The following SYNE1 variants were observed in gnomAD, a reference collection of about 807,000 sequenced individuals.
The protein encoded by SYNE1 is spectrin repeat containing nuclear envelope protein 1, also known as nesprin-1.
SYNE1 carries 616 observed loss-of-function variants against 1,111.0 expected under a neutral mutation model. The ratio of observed to expected loss-of-function variants is 0.55; its 90% CI spans 0.52 to 0.59. The LOEUF (loss-of-function observed/expected upper bound fraction) is 0.59. Ranked by LOEUF, SYNE1 falls within the 20% of genes least tolerant of loss-of-function variation. The pLI is 0.00. For synonymous variants in SYNE1, 3,855 were observed against 3,825.8 expected (o/e 1.01, Z -0.28); for missense variants, 10,006 against 10,417.0 (o/e 0.96, Z 1.72).
chr6:152,351,259 C>T (rs2096735879), intron 70 of SYNE1, among the ~76,000 whole-genome samples: 1 of 152,154 alleles, frequency 6.6e-6, no homozygotes, highest in Admixed American at 6.5e-5. Flanking sequence ...GGTTGTGATT[C>T]TTATATGGCC....
chr6:152,279,235 A>G (rs1294839371), intron 97 of SYNE1, among the ~76,000 whole-genome samples: 1 of 148,038 alleles, frequency 6.8e-6, no homozygotes, highest in African/African-American at 2.5e-5. Context: ...TTCTTCCTAG[A>G]TAAGACTTAA....
intron 2 of SYNE1, among the ~76,000 whole-genome samples, chr6:152,631,370 CATTGTGGAAAA>C: frequency 6.6e-6 from 1 of 152,208 alleles, no homozygotes. Flanking sequence ...TACAAGGTGA[CATTGTGGAAAA>C]GAGGGCGGAG....
intron 130 of SYNE1, among the ~76,000 whole-genome samples, chr6:152,169,641 A>G (rs1162045546): frequency 6.7e-6 from 1 of 149,992 alleles, no homozygotes; most frequent in African/African-American, 2.4e-5. Context: ...AAAAAAAAAA[A>G]AAAAAAATCA....
intron 61 of SYNE1, chr6:152,368,757 T>C (rs1158978661): frequency 1.7e-6 from 1 of 604,982 alleles, no homozygotes; most frequent in African/African-American, 1.8e-5. Flanking sequence ...TGAAACCTCC[T>C]TCGGCCTTTT....
chr6:152,392,485 G>A (rs990445614), intron 51 of SYNE1, among the ~76,000 whole-genome samples: 4 of 152,220 alleles, frequency 2.6e-5, no homozygotes, highest in African/African-American at 7.2e-5. Flanking sequence ...AGGGTAGCAT[G>A]GGATGTCTTA....
chr6:152,191,449 A>G (rs2072343373), intron 127 of SYNE1, among the ~76,000 whole-genome samples: 1 of 152,080 alleles, frequency 6.6e-6, no homozygotes, highest in Non-Finnish European at 1.5e-5. Context: ...TATGGCTTCA[A>G]TCTTGTTACT....
intron 127 of SYNE1, among the ~76,000 whole-genome samples, chr6:152,190,809 C>A (rs1001413738): frequency 6.6e-6 from 1 of 152,190 alleles, no homozygotes; most frequent in African/African-American, 2.4e-5. Flanking sequence ...TAAGTGAAAA[C>A]ATGTTGAATG....
rs2063159345 is a variant in SYNE1, at chr6:152,164,285, G to A, written c.23668C>T (p.Leu7890Phe). 6.2e-7 allele frequency: 1 copy of A among 1,614,024 alleles called. No homozygotes were observed. The highest frequency in any genetic ancestry group is 1.3e-5 in the African/African-American group (1 of 74,904). Reference protein sequence around the residue: ...LKETLVAVQQLDKNMSSLRTW... With the variant: ...LKETLVAVQQFDKNMSSLRTW... ...CTCAGGCTGCTCATGTTCTTATCAA[G>A]CTGCTGCACGGCTACCAGGGTCTCC... The change falls in exon 131 of 146, where the codon CTT becomes TTT. Residue 7890 changes from leucine (L) to phenylalanine (F), a missense_variant. Transcript: ENST00000367255.
At chr6:152,199,146 C>A (rs1488631330) in intron 127 of SYNE1, among the ~76,000 whole-genome samples, 1 of 152,128 alleles carries the variant, frequency 6.6e-6, no homozygotes, top group Non-Finnish European at 1.5e-5. Context: ...CCTGCAGAAT[C>A]TTTCTGCCAT....
chr6:152,408,299 G>C (rs374278934), intron 44 of SYNE1, among the ~76,000 whole-genome samples: 14 of 152,252 alleles, frequency 9.2e-5, no homozygotes, highest in African/African-American at 3.1e-4. Flanking sequence ...AAAATCAAGT[G>C]ACTTGTTCTG....
intron 95 of SYNE1, among the ~76,000 whole-genome samples, chr6:152,288,209 C>T (rs147585686): frequency 6.6e-6 from 1 of 152,030 alleles, no homozygotes; most frequent in African/African-American, 2.4e-5. Context: ...CTCATCCTCT[C>T]TTCTGTGCCT....
intron 4 of SYNE1, among the ~76,000 whole-genome samples, chr6:152,533,321 T>C (rs1759563870): frequency 6.6e-6 from 1 of 152,030 alleles, no homozygotes; most frequent in Non-Finnish European, 1.5e-5. Flanking sequence ...TCCGAATAAA[T>C]ATTCCAAAGG....
At chr6:152,230,087 C>A (rs1562344890) in intron 115 of SYNE1, among the ~76,000 whole-genome samples, 1 of 151,712 alleles carries the variant, frequency 6.6e-6, no homozygotes, top group Non-Finnish European at 1.5e-5. Context: ...GGCTGAAGTG[C>A]CATGGTGTAA....
chr6:152,492,769 C>A (rs929898978), intron 11 of SYNE1, among the ~76,000 whole-genome samples: 2 of 152,124 alleles, frequency 1.3e-5, no homozygotes. Flanking sequence ...TAAGTCCATA[C>A]CCTTCTTAAT....
Position 152,547,317 on chromosome 6 carries a change from G to A in SYNE1, c.68-7296C>T, listed in dbSNP as rs943900923. Among the ~76,000 whole-genome samples, 11 of 152,240 alleles carry A rather than the reference G, an allele frequency of 7.2e-5. No individual in the cohort carries two copies. The South Asian group carries it at 1.2e-3, about 17-fold the overall frequency. On this transcript the variant is annotated intron_variant, in intron 3 of 145. Coordinates refer to ENST00000367255, the MANE Select transcript of SYNE1 (RefSeq NM_182961.4). ...TGGTCTTGCGACCAAATAGGGGAAG[G>A]AGATTGGAAGGACACAAAGAGCCTA...
rs1175297175 is a variant in SYNE1, at chr6:152,334,034, A to G, written c.12768T>C (p.Phe4256=). The stretch of plus-strand genomic sequence containing the variant: ...TGGCCAAGTTATCCCATTCTGTAGT[A>G]AATTTTTCTAGGAACACTTCAACAA... ...MNVVEVFLEK[F]TTEWDNLARS... is the part of the protein sequence containing the mutation. Residue 4256 remains phenylalanine, a synonymous_variant, in exon 77 of 146, where the codon TTT becomes TTC. Transcript: ENST00000367255. The G allele has an allele frequency of 6.2e-7, 1 of 1,614,164 alleles. No individual in the cohort carries two copies. The highest frequency in any genetic ancestry group is 1.7e-5 in the Admixed American group (1 of 60,022).
intron 14 of SYNE1, among the ~76,000 whole-genome samples, 191 bp downstream of exon 14, chr6:152,482,894 C>T (rs2098916041): frequency 6.6e-6 from 1 of 152,190 alleles, no homozygotes; most frequent in African/African-American, 2.4e-5. Flanking sequence ...AGGAAGTCAA[C>T]CCACTGGAAC....
chr6:152,451,420 T>C (rs1220741805), intron 25 of SYNE1, among the ~76,000 whole-genome samples: 5 of 151,654 alleles, frequency 3.3e-5, no homozygotes, highest in African/African-American at 1.2e-4. Flanking sequence ...GGGTTAGGTG[T>C]TTCCTCAGTG....
intron 3 of SYNE1, among the ~76,000 whole-genome samples, chr6:152,576,579 GAC>G (rs891565822): frequency 9.9e-5 from 15 of 152,124 alleles, no homozygotes; most frequent in Admixed American, 3.3e-4. Flanking sequence ...ACCCCAAAAA[GAC>G]ACAGGTATTT....
Sources: allele counts gnomAD v4.1 joint callset (sites outside exome capture counted in the v4.1 genomes callset), GRCh38; gene constraint gnomAD v4.1.1; transcripts MANE v1.5; gene names NCBI Gene and HGNC (gene_info 2026-07-23, HGNC 2026-07-21).